The following CASZ1 variants were observed in gnomAD, a reference collection of about 807,000 sequenced individuals.
CASZ1 encodes the protein castor zinc finger 1, also known as zinc finger protein castor homolog 1.
CASZ1 carries 28 observed loss-of-function variants against 135.2 expected under a neutral mutation model. The observed-to-expected ratio is 0.21, with a 90% CI of 0.15 to 0.28. CASZ1 has a LOEUF of 0.28. Ranked by LOEUF, CASZ1 falls within the 10% of genes least tolerant of loss-of-function variation. The pLI, the probability that CASZ1 is intolerant of heterozygous loss-of-function variation, is 1.00. For synonymous variants in CASZ1, 1,068 were observed against 1,073.4 expected (o/e 0.99, Z 0.10); for missense variants, 2,161 against 2,453.3 (o/e 0.88, Z 2.52).
chr1:10,656,613 G>A (rs753400105), intron 8 of CASZ1, 33 bp downstream of exon 8: 29 of 1,503,280 alleles, frequency 1.9e-5, no homozygotes, highest in South Asian at 1.8e-4. Context: ...TGCTGGTGGC[G>A]GAGAGGCGGA....
chr1:10,653,320 G>A, intron 11 of CASZ1, 57 bp downstream of exon 11: 1 of 1,573,366 alleles, frequency 6.4e-7, no homozygotes, highest in Non-Finnish European at 8.7e-7. Context: ...CCTGAGGCCA[G>A]GTGGCCACCC....
At position 10,723,975 on chromosome 1, in the gene CASZ1, C is replaced by A. The variant is rs556874767; in HGVS notation, c.-76-18431G>T. 7.2e-5 allele frequency among the ~76,000 whole-genome samples: 11 copies of A among 152,302 alleles called. No individual in the cohort carries two copies. In the East Asian group the frequency reaches 1.9e-3, roughly 27 times the overall value. On this transcript the variant is annotated intron_variant, in intron 2 of 20. Coordinates refer to ENST00000377022, the MANE Select transcript of CASZ1 (RefSeq NM_001079843.3). Reference sequence around the variant, plus strand: ...CCAAACCATGCCAGCAGGGGTTCAACCCTAAACTCACACCCAACCGCTAGC... The same window carrying A: ...CCAAACCATGCCAGCAGGGGTTCAAACCTAAACTCACACCCAACCGCTAGC...
intron 3 of CASZ1, among the ~76,000 whole-genome samples, chr1:10,703,370 C>G (rs946863759): frequency 1.3e-5 from 2 of 152,100 alleles, no homozygotes; most frequent in Admixed American, 1.3e-4. Flanking sequence ...CAGCCTGGTT[C>G]CCACCCACCA....
chr1:10,796,081 G>A (rs1357853230), intron 1 of CASZ1, among the ~76,000 whole-genome samples: 2 of 152,060 alleles, frequency 1.3e-5, no homozygotes, highest in African/African-American at 4.8e-5. Context: ...GGGGTTTAAG[G>A]GGAAGGAGTG....
chr1:10,751,088 A>T (rs1032535363), intron 2 of CASZ1, among the ~76,000 whole-genome samples: 1 of 150,968 alleles, frequency 6.6e-6, no homozygotes, highest in Non-Finnish European at 1.5e-5. Flanking sequence ...ATTATTATTA[A>T]TTATTATTAT....
chr1:10,659,444 C>G (rs532638139), intron 6 of CASZ1, among the ~76,000 whole-genome samples: 1 of 152,258 alleles, frequency 6.6e-6, no homozygotes, highest in East Asian at 1.9e-4. Flanking sequence ...CGCGCAGGTC[C>G]AGGAGCGGGG....
At chr1:10,656,907 T>TGAGGCAAA (rs1642818940) in intron 7 of CASZ1, among the ~76,000 whole-genome samples, 171 bp from the exon 8 acceptor site, 1 of 152,010 alleles carries the variant, frequency 6.6e-6, no homozygotes, top group Admixed American at 6.5e-5. Context: ...CCAGGCCCAT[T>TGAGGCAAA]GAGGCAAAGA....
At chr1:10,772,932 C>T (rs1023567821) in intron 1 of CASZ1, among the ~76,000 whole-genome samples, 6 of 152,128 alleles carry the variant, frequency 3.9e-5, no homozygotes, top group Admixed American at 6.5e-5. Context: ...CAGCAGGTGG[C>T]CCCATGACCA....
At chr1:10,645,474 G>A (rs1252604149) in intron 17 of CASZ1, among the ~76,000 whole-genome samples, 2 of 152,212 alleles carry the variant, frequency 1.3e-5, no homozygotes, top group Non-Finnish European at 2.9e-5. Flanking sequence ...AGCTTGCAGT[G>A]AGCCGAGATC....
rs375441975 is a variant in CASZ1, at chr1:10,668,802, G to A, written c.17-3231C>T. Among the ~76,000 whole-genome samples the A allele has an allele frequency of 2.8e-4, 43 of 152,384 alleles. 1 individual carries two copies. In the South Asian group the frequency reaches 8.9e-3, roughly 32 times the overall value. ...GAGAGAGGGCACCTGTCTGTGCCAAGCACAGGGCCTAGCAGGGATGAACCT... is the reference window on the plus strand; with the variant it reads ...GAGAGAGGGCACCTGTCTGTGCCAAACACAGGGCCTAGCAGGGATGAACCT... On this transcript the variant is annotated intron_variant, in intron 4 of 20. Transcript: ENST00000377022.
chr1:10,695,379 G>A (rs1176565750), intron 3 of CASZ1, among the ~76,000 whole-genome samples: 1 of 152,078 alleles, frequency 6.6e-6, no homozygotes, highest in African/African-American at 2.4e-5. Flanking sequence ...TCAAAGTTGG[G>A]CCATCCGCCC....
rs944268277 is a variant in CASZ1 at position 10,777,681 on chromosome 1, C to T, written c.-233-16824G>A. On this transcript the variant is annotated intron_variant, in intron 1 of 20. Coordinates refer to ENST00000377022, the MANE Select transcript of CASZ1 (RefSeq NM_001079843.3). The surrounding 1 kb of genome is among the most constrained non-coding windows in gnomAD (Gnocchi z 4.4). ...ACACACAACCACACACCATCTCACACACAATCTCACACACACCATCTCATA... is the reference window on the plus strand; with the variant it reads ...ACACACAACCACACACCATCTCACATACAATCTCACACACACCATCTCATA... Among the ~76,000 whole-genome samples the T allele has an allele frequency of 1.3e-5, 2 of 152,018 alleles. No individual in the cohort carries two copies. Among genetic ancestry groups the T allele is most frequent in the African/African-American group, 4.8e-5 (2 of 41,354 alleles).
In CASZ1 at chr1:10,709,234, C is replaced by T. The variant is rs1242608982; in HGVS notation, c.-76-3690G>A. On this transcript the variant is annotated intron_variant, in intron 2 of 20. Transcript: ENST00000377022. This position sits in a 1 kb window ranked among gnomAD's most constrained non-coding sequence, Gnocchi z 5.1. ...TACCTGCTCCCCAGGCCTCCCGGGG[C>T]CATGGGGGCTCGGGGCAGCTGTCGG... Among the ~76,000 whole-genome samples the T allele has an allele frequency of 6.6e-6, 1 of 152,172 alleles. No individual in the cohort carries two copies. The highest frequency in any genetic ancestry group is 2.4e-5 in the African/African-American group (1 of 41,456).
chr1:10,677,360 C>T lies in CASZ1; in HGVS notation c.17-11789G>A, dbSNP rs1037144060. 3.3e-5 allele frequency among the ~76,000 whole-genome samples: 5 copies of T among 151,870 alleles called. No homozygotes were observed. The East Asian group carries it at 7.7e-4, about 23-fold the overall frequency. On this transcript the variant is annotated intron_variant, in intron 4 of 20. Transcript: ENST00000377022. ...AAGGCAGAGGGTGTCTGGGTGGCAC[C>T]GAGGAGGGCAGGAGGGGACAGGGGC...
chr1:10,678,983 C>G (rs1458377380), intron 4 of CASZ1, among the ~76,000 whole-genome samples: 1 of 152,150 alleles, frequency 6.6e-6, no homozygotes, highest in African/African-American at 2.4e-5. Context: ...AGGACAGACG[C>G]CCGTCTGCCC....
In CASZ1 at chr1:10,654,104, G is replaced by A. The variant is rs777973237; in HGVS notation, c.1953C>T (p.Tyr651=). 8 of 1,614,196 alleles carry A rather than the reference G, an allele frequency of 5.0e-6. No homozygotes were observed. The highest frequency in any genetic ancestry group is 2.2e-5 in the East Asian group (1 of 44,884). The change falls in exon 11 of 21, where the codon TAC becomes TAT. Residue 651 remains tyrosine, a synonymous_variant. Transcript: ENST00000377022. ...CGCAGCCCTCGTACTTGCACTCCTC[G>A]TACTTGTAGAACTTCTTGAAGCCGT... is the stretch of plus-strand genomic sequence containing the variant. ...AKDGFKKFYK[Y]EECKYEGCVY...
chr1:10,680,141 T>C lies in CASZ1; in HGVS notation c.16+13733A>G, dbSNP rs1328876514. Among the ~76,000 whole-genome samples the C allele has an allele frequency of 2.6e-5, 4 of 151,854 alleles. No homozygotes were observed. The South Asian group carries it at 6.2e-4, about 24-fold the overall frequency. On this transcript the variant is annotated intron_variant, in intron 4 of 20. Coordinates refer to ENST00000377022, the MANE Select transcript of CASZ1 (RefSeq NM_001079843.3). ...TCAGGGAACCAATGTGAAGGTGGGGTGTCCTGGGCCTGACCTCTGGGCAAA... is the reference window on the plus strand; with the variant it reads ...TCAGGGAACCAATGTGAAGGTGGGGCGTCCTGGGCCTGACCTCTGGGCAAA...
At chr1:10,746,939 C>T (rs1160912391) in intron 2 of CASZ1, among the ~76,000 whole-genome samples, 1 of 152,240 alleles carries the variant, frequency 6.6e-6, no homozygotes, top group African/African-American at 2.4e-5. Flanking sequence ...CACTCCCTGC[C>T]CCTTCTCTAG....
intron 1 of CASZ1, among the ~76,000 whole-genome samples, chr1:10,790,487 T>C (rs1308884655): frequency 1.3e-5 from 2 of 152,230 alleles, no homozygotes; most frequent in African/African-American, 4.8e-5. Context: ...TTTTCTGATA[T>C]AGACATCAAG....
Sources: allele counts gnomAD v4.1 joint callset (sites outside exome capture counted in the v4.1 genomes callset), GRCh38; gene constraint gnomAD v4.1.1; non-coding constraint Gnocchi (gnomAD v3.1); transcripts MANE v1.5; gene names NCBI Gene and HGNC (gene_info 2026-07-23, HGNC 2026-07-21).